Variants in EFEMP1 observed in about 807,000 individuals in gnomAD.
EFEMP1 encodes EGF-containing fibulin-like extracellular matrix protein 1.
EFEMP1 carries 18 observed loss-of-function variants against 65.7 expected under a neutral mutation model. The observed-to-expected ratio is 0.27, with a 90% CI of 0.19 to 0.41. The LOEUF is 0.41. EFEMP1 is among the 10% of genes least tolerant of loss of function. The pLI is 1.00. For synonymous variants in EFEMP1, 237 were observed against 219.7 expected, an observed-to-expected ratio of 1.08 and a Z score of -0.70; for missense variants, 469 against 624.8, an observed-to-expected ratio of 0.75 and a Z score of 2.66.
At chr2:55,882,123 C>T (rs920443003) in intron 5 of EFEMP1, among the ~76,000 whole-genome samples, 10 of 152,110 alleles carry the variant, frequency 6.6e-5, no homozygotes, top group African/African-American at 2.2e-4. Context: ...TCCATTAGAA[C>T]ATATGGTATT....
In EFEMP1 at chr2:55,911,219, T is replaced by C. The variant is rs1670470874; in HGVS notation, c.517+6446A>G. Among the ~76,000 whole-genome samples, 4 of 152,134 alleles carry C rather than the reference T, an allele frequency of 2.6e-5. No individual in the cohort carries two copies. The South Asian group carries it at 8.3e-4, about 31-fold the overall frequency. On this transcript the variant is annotated intron_variant, in intron 5 of 11. Coordinates refer to ENST00000355426, the MANE Select transcript of EFEMP1 (RefSeq NM_001039348.3). Reference sequence around the variant, plus strand: ...CTTAATCAGGACTCATGGCCACCCATGTTTAGGAATCGGAGTATTGGTGAT... The same window carrying C: ...CTTAATCAGGACTCATGGCCACCCACGTTTAGGAATCGGAGTATTGGTGAT...
rs574538454 is a variant in EFEMP1, at chr2:55,871,263, G to A, written c.1001-140C>T. 10 of 1,136,236 alleles carry A rather than the reference G, an allele frequency of 8.8e-6. No individual in the cohort carries two copies. The highest frequency in any genetic ancestry group is 2.5e-5 in the East Asian group (1 of 40,382). 70.4% of individuals were successfully genotyped at this position (1,136,236 alleles called of 1,614,324 possible). A position where few individuals can be genotyped will look rare whatever the true frequency, so the allele number is the denominator to read the frequency against. On this transcript the variant is annotated intron_variant, in intron 9 of 11. Coordinates refer to ENST00000355426, the MANE Select transcript of EFEMP1 (RefSeq NM_001039348.3). This position sits in a 1 kb window ranked among gnomAD's most constrained non-coding sequence, Gnocchi z 4.2. ...GTGTTCAACCTGCTTTTAGACACAA[G>A]ACTGGGTGTTCATTGTATTGAATTC...
intron 5 of EFEMP1, among the ~76,000 whole-genome samples, chr2:55,902,897 TATC>T (rs1386085418): frequency 1.3e-5 from 2 of 152,208 alleles, no homozygotes; most frequent in Non-Finnish European, 2.9e-5. Context: ...TCAAGAACCA[TATC>T]ATCACCATAC....
chr2:55,897,515 A>G (rs532822760), intron 5 of EFEMP1, among the ~76,000 whole-genome samples: 64 of 152,230 alleles, frequency 4.2e-4, no homozygotes, highest in Non-Finnish European at 7.3e-4. Context: ...AAATAGGTCA[A>G]TAAATGGATA....
intron 3 of EFEMP1, among the ~76,000 whole-genome samples, chr2:55,920,745 C>A (rs1431766771): frequency 6.6e-6 from 1 of 152,246 alleles, no homozygotes; most frequent in Non-Finnish European, 1.5e-5. Flanking sequence ...TCTCTCTGAT[C>A]TTCAGTTCTA....
chr2:55,896,499 T>C (rs1669836429), intron 5 of EFEMP1, among the ~76,000 whole-genome samples: 1 of 152,244 alleles, frequency 6.6e-6, no homozygotes, highest in Non-Finnish European at 1.5e-5. Flanking sequence ...GTTTGACTTC[T>C]GTAGCTTTTC....
In EFEMP1 at chr2:55,877,702, T is replaced by G; in HGVS notation, c.760+44A>C. 6.2e-7 allele frequency: 1 copy of G among 1,611,756 alleles called. No homozygotes were observed. The highest frequency in any genetic ancestry group is 1.1e-5 in the South Asian group (1 of 91,002). On this transcript the variant is annotated intron_variant, in intron 7 of 11. Coordinates refer to ENST00000355426, the MANE Select transcript of EFEMP1 (RefSeq NM_001039348.3). The surrounding 1 kb of genome is among the most constrained non-coding windows in gnomAD (Gnocchi z 4.5). ...AAATACTGCAACATGGCATGGGGTT[T>G]CCTTTTGTGAAGACAGAAATCAGCA...
intron 5 of EFEMP1, among the ~76,000 whole-genome samples, chr2:55,909,455 A>G (rs1273916462): frequency 6.6e-6 from 1 of 152,164 alleles, no homozygotes; most frequent in Non-Finnish European, 1.5e-5. Context: ...TCAGAAACAC[A>G]CTGTTTCTGG....
rs545757619 is a variant in EFEMP1 at position 55,879,167 on chromosome 2, G to A, written c.641-1302C>T. On this transcript the variant is annotated intron_variant, in intron 6 of 11. Transcript: ENST00000355426. Reference sequence around the variant, plus strand: ...GCTTCTTGTGTGTTCCCTCACTATAGTGCATGACATTCTCCCCTTGAGGTG... The same window carrying A: ...GCTTCTTGTGTGTTCCCTCACTATAATGCATGACATTCTCCCCTTGAGGTG... Among the ~76,000 whole-genome samples, 3 of 152,286 alleles carry A rather than the reference G, an allele frequency of 2.0e-5. No homozygotes were observed. The East Asian group carries it at 5.8e-4, about 29-fold the overall frequency.
At chr2:55,889,990 G>A (rs1669574733) in intron 5 of EFEMP1, among the ~76,000 whole-genome samples, 1 of 151,856 alleles carries the variant, frequency 6.6e-6, no homozygotes, top group Non-Finnish European at 1.5e-5. Context: ...ACATATCAGT[G>A]GTTATAGTAA....
chr2:55,872,743 T>C (rs924341350), intron 9 of EFEMP1, among the ~76,000 whole-genome samples: 1 of 152,098 alleles, frequency 6.6e-6, no homozygotes, highest in Non-Finnish European at 1.5e-5. Context: ...AAGTGTCTTC[T>C]TGGGCTGGCT....
intron 5 of EFEMP1, among the ~76,000 whole-genome samples, chr2:55,894,578 A>G (rs1669746651): frequency 1.3e-5 from 2 of 152,234 alleles, no homozygotes; most frequent in Admixed American, 6.5e-5. Context: ...ATTCAGTCAT[A>G]TCAGATAGGA....
In EFEMP1 at chr2:55,923,035, G is replaced by T; in HGVS notation, c.-48-96C>A. ...GGAGAGCAATCTTCCAGTTCTAGTAGAATACTAGACCTTCTCACATGTCTC... is the reference window on the plus strand; with the variant it reads ...GGAGAGCAATCTTCCAGTTCTAGTATAATACTAGACCTTCTCACATGTCTC... On this transcript the variant is annotated intron_variant, in intron 1 of 11. Coordinates refer to ENST00000355426, the MANE Select transcript of EFEMP1 (RefSeq NM_001039348.3). This position sits in a 1 kb window ranked among gnomAD's most constrained non-coding sequence, Gnocchi z 5.3. 1.1e-5 allele frequency: 9 copies of T among 818,066 alleles called. No individual in the cohort carries two copies. The highest frequency in any genetic ancestry group is 1.9e-5 in the African/African-American group (1 of 54,036). The allele number at this position is 818,066 out of a possible 1,614,324, so 50.7% of individuals were successfully genotyped here.
chr2:55,916,037 A>T (rs535232839), intron 5 of EFEMP1, among the ~76,000 whole-genome samples: 1 of 152,096 alleles, frequency 6.6e-6, no homozygotes, highest in South Asian at 2.1e-4. Context: ...TTAGGTCTTG[A>T]TGTGGGGTAC....
chr2:55,900,830 C>G (rs1306135222), intron 5 of EFEMP1, among the ~76,000 whole-genome samples: 2 of 152,086 alleles, frequency 1.3e-5, no homozygotes, highest in African/African-American at 4.8e-5. Context: ...TATATCTTTC[C>G]TCTTTTCCTC....
chr2:55,900,596 C>T (rs1050664531), intron 5 of EFEMP1, among the ~76,000 whole-genome samples: 1 of 152,098 alleles, frequency 6.6e-6, no homozygotes, highest in Non-Finnish European at 1.5e-5. Context: ...ATCTTCTTTA[C>T]CAAAAAAACC....
At position 55,892,928 on chromosome 2, in the gene EFEMP1, G is replaced by C. The variant is rs908541605; in HGVS notation, c.518-11194C>G. On this transcript the variant is annotated intron_variant, in intron 5 of 11. Transcript: ENST00000355426. ...ATCCACGGAGTCTATCATATTCCAAGTTTTCATTTTGAAAGAAAATGGAAA... is the reference window on the plus strand; with the variant it reads ...ATCCACGGAGTCTATCATATTCCAACTTTTCATTTTGAAAGAAAATGGAAA... Among the ~76,000 whole-genome samples, 6 of 152,206 alleles carry C rather than the reference G, an allele frequency of 3.9e-5. No individual in the cohort carries two copies. The East Asian group carries it at 1.2e-3, about 29-fold the overall frequency.
chr2:55,872,617 T>G (rs115099807), intron 9 of EFEMP1, among the ~76,000 whole-genome samples: 2,961 of 152,214 alleles, frequency 0.019, 56 homozygotes, highest in South Asian at 0.08. Context: ...CTCTAAATAA[T>G]TCATGCCTTG....
intron 5 of EFEMP1, among the ~76,000 whole-genome samples, chr2:55,914,126 G>A (rs190600985): frequency 6.6e-6 from 1 of 151,998 alleles, no homozygotes; most frequent in Non-Finnish European, 1.5e-5. Context: ...ATGAGTATCT[G>A]TTGTCTTTGA....
Sources: gnomAD v4.1 joint callset for allele counts (sites outside exome capture counted in the v4.1 genomes callset) on GRCh38, gnomAD v4.1.1 for gene constraint, Gnocchi (gnomAD v3.1) non-coding constraint, MANE v1.5 for transcripts, NCBI Gene and HGNC (gene_info 2026-07-23, HGNC 2026-07-21) for gene names.